The following KLHL2 variants were observed in gnomAD, a reference collection of about 807,000 sequenced individuals.
KLHL2 encodes the protein kelch-like protein 2.
In KLHL2, 15 loss-of-function variants were observed where a neutral mutation model predicts 75.8. The observed-to-expected ratio is 0.20, with a 90% CI of 0.13 to 0.30. KLHL2 has a LOEUF of 0.30. KLHL2 is among the 10% of genes least tolerant of loss of function. The probability of loss-of-function intolerance (pLI) is 1.00; values close to 1 mark genes in which losing one functional copy is unlikely to be tolerated. For synonymous variants in KLHL2, 214 were observed against 251.9 expected, an observed-to-expected ratio of 0.85 and a Z score of 1.42; for missense variants, 381 against 741.0, an observed-to-expected ratio of 0.51 and a Z score of 5.64.
intron 11 of KLHL2, 122 bp downstream of exon 11, chr4:165,311,687 C>A (rs561343982): frequency 7.2e-6 from 5 of 694,528 alleles, no homozygotes; most frequent in Admixed American, 2.6e-5. Context: ...AAAGAAAAGT[C>A]GTAATTACTG....
chr4:165,303,480 AT>A (rs2126532659), intron 8 of KLHL2, among the ~76,000 whole-genome samples: 1 of 137,908 alleles, frequency 7.3e-6, no homozygotes, highest in East Asian at 1.9e-4. Context: ...CAATTCTGTA[AT>A]TTTTACAACC....
intron 3 of KLHL2, 100 bp from the exon 4 acceptor site, chr4:165,238,678 A>G (rs1316317923): frequency 6.3e-7 from 1 of 1,578,800 alleles, no homozygotes; most frequent in African/African-American, 1.4e-5. Flanking sequence ...CTGCCTGTTG[A>G]ATACAGTGAG....
chr4:165,304,346 AC>A (rs1223591311), intron 8 of KLHL2, among the ~76,000 whole-genome samples: 1 of 152,150 alleles, frequency 6.6e-6, no homozygotes, highest in Non-Finnish European at 1.5e-5. Flanking sequence ...TTTGCTTTGT[AC>A]CCATCTTTCT....
intron 8 of KLHL2, among the ~76,000 whole-genome samples, 154 bp from the exon 9 acceptor site, chr4:165,305,453 AT>A (rs1261374194): frequency 2.0e-5 from 3 of 152,192 alleles, no homozygotes; most frequent in Non-Finnish European, 4.4e-5. Context: ...GTTGATGTTT[AT>A]GAAATGTTGG....
intron 13 of KLHL2, among the ~76,000 whole-genome samples, chr4:165,315,477 GA>G (rs1270049321): frequency 6.6e-6 from 1 of 152,152 alleles, no homozygotes; most frequent in Non-Finnish European, 1.5e-5. Context: ...TAATCAGGAA[GA>G]GAGAGAAATC....
At chr4:165,249,049 T>C (rs1452646815) in intron 4 of KLHL2, among the ~76,000 whole-genome samples, 3 of 152,232 alleles carry the variant, frequency 2.0e-5, no homozygotes, top group Non-Finnish European at 4.4e-5. Flanking sequence ...ACATAGGTAC[T>C]CAGTGGTAAT....
intron 5 of KLHL2, among the ~76,000 whole-genome samples, chr4:165,270,127 T>C (rs1391268605): frequency 6.6e-6 from 1 of 152,242 alleles, no homozygotes; most frequent in Non-Finnish European, 1.5e-5. Flanking sequence ...TTGACGCTTG[T>C]GCATGAGTCA....
intron 9 of KLHL2, among the ~76,000 whole-genome samples, chr4:165,310,222 G>A (rs561992906): frequency 7.5e-4 from 115 of 152,320 alleles, no homozygotes; most frequent in African/African-American, 2.7e-3. Flanking sequence ...CTACTCAGGA[G>A]GCTGAGGCAG....
intron 5 of KLHL2, among the ~76,000 whole-genome samples, chr4:165,274,640 C>G (rs562962908): frequency 1.4e-4 from 21 of 151,492 alleles, no homozygotes; most frequent in African/African-American, 5.1e-4. Flanking sequence ...AGAGCACTCT[C>G]TATCCTTTGA....
chr4:165,310,421 A>T, intron 9 of KLHL2, 132 bp from the exon 10 acceptor site: 1 of 736,002 alleles, frequency 1.4e-6, no homozygotes, highest in Non-Finnish European at 2.4e-6. Context: ...ATTTTCAAGG[A>T]TTTATTTAAT....
chr4:165,280,184 C>G (rs556476832), intron 5 of KLHL2, among the ~76,000 whole-genome samples: 1 of 152,342 alleles, frequency 6.6e-6, no homozygotes. Context: ...CAAAGCTATC[C>G]TCTTTATGTG....
At chr4:165,310,517 G>C (rs1746077683) in intron 9 of KLHL2, 36 bp from the exon 10 acceptor site, 4 of 1,561,242 alleles carry the variant, frequency 2.6e-6, no homozygotes, top group African/African-American at 1.4e-5. Flanking sequence ...TAGTTGAGTT[G>C]CATGTTGATC....
At chr4:165,317,787 T>G in intron 13 of KLHL2, 39 bp from the exon 14 acceptor site, 1 of 1,551,662 alleles carries the variant, frequency 6.4e-7, no homozygotes, top group Non-Finnish European at 8.9e-7. Context: ...TTCATCCCAA[T>G]TTTTTAAATA....
At chr4:165,283,599 G>A (rs959653791) in intron 5 of KLHL2, among the ~76,000 whole-genome samples, 5 of 152,196 alleles carry the variant, frequency 3.3e-5, no homozygotes, top group Non-Finnish European at 2.9e-5. Context: ...CTACCTCCTG[G>A]CTGCCTTCAG....
chr4:165,263,813 T>G (rs1301511577), intron 5 of KLHL2, among the ~76,000 whole-genome samples: 4 of 110,688 alleles, frequency 3.6e-5, no homozygotes, highest in Non-Finnish European at 6.9e-5. Flanking sequence ...TTGTTTTTTT[T>G]TTTTTTTTTT....
At chr4:165,299,198 A>G (rs992525282) in intron 7 of KLHL2, among the ~76,000 whole-genome samples, 8 of 152,160 alleles carry the variant, frequency 5.3e-5, no homozygotes, top group Non-Finnish European at 1.0e-4. Context: ...AAGGTTAAAG[A>G]TACACAGGTG....
intron 5 of KLHL2, among the ~76,000 whole-genome samples, chr4:165,272,273 A>G (rs1054643957): frequency 2.0e-5 from 3 of 152,384 alleles, no homozygotes; most frequent in Admixed American, 2.0e-4. Flanking sequence ...TGTAGTGTGT[A>G]GCACTATTCA....
At chr4:165,226,646 G>C (rs1263054575) in intron 2 of KLHL2, among the ~76,000 whole-genome samples, 2 of 152,002 alleles carry the variant, frequency 1.3e-5, no homozygotes, top group African/African-American at 4.8e-5. Context: ...TGTAGAGGTA[G>C]TGCTTAAAAC....
chr4:165,263,286 C>T lies in KLHL2; in HGVS notation c.471C>T (p.Asn157=). The T allele has an allele frequency of 6.2e-7, 1 of 1,614,120 alleles. No individual in the cohort carries two copies. The highest frequency in any genetic ancestry group is 8.5e-7 in the Non-Finnish European group (1 of 1,179,988). Residue 157 remains asparagine (N), a synonymous_variant, in exon 5 of 15, where the codon AAC becomes AAT. Transcript: ENST00000226725. ...TGGAATCCCAGCTTCACCCTGTCAA[C>T]TGCTTAGGAATCCGGGCTTTTGCTG... ...EFLESQLHPV[N]CLGIRAFADM... is the part of the protein sequence containing the mutation.
Sources: allele counts gnomAD v4.1 joint callset (sites outside exome capture counted in the v4.1 genomes callset), GRCh38; gene constraint gnomAD v4.1.1; transcripts MANE v1.5; gene names NCBI Gene and HGNC (gene_info 2026-07-23, HGNC 2026-07-21).